Variants in PDAP1 observed in about 807,000 individuals in gnomAD.
PDAP1 encodes the protein PDGFA associated protein 1.
Under a neutral mutation model 28.0 loss-of-function variants are expected in PDAP1, and 13 were observed. The observed-to-expected ratio is 0.46, with a 90% CI of 0.30 to 0.74. PDAP1 has a LOEUF of 0.74. PDAP1 is among the 30% of genes least tolerant of loss of function. PDAP1 has a pLI of 0.07. For missense variants in PDAP1, 150 were observed against 230.0 expected, an observed-to-expected ratio of 0.65 and a Z score of 2.25; for synonymous variants, 77 against 85.1, an observed-to-expected ratio of 0.91 and a Z score of 0.52.
rs967151023 is a variant in PDAP1, at chr7:99,396,371, C to T, written c.*311G>A. ...ATCTACCAGACAAATGAAAGCTCTT[C>T]TTACCCCATCTCCCAGGCACCCCCC... is the stretch of plus-strand genomic sequence containing the variant. On this transcript the variant is annotated 3_prime_UTR_variant, in exon 6 of 6. Transcript: ENST00000350498. 1 of 444,192 alleles carries T rather than the reference C, an allele frequency of 2.3e-6. No homozygotes were observed. Among genetic ancestry groups the T allele is most frequent in the Non-Finnish European group, 4.2e-6 (1 of 238,956 alleles). 27.5% of individuals were successfully genotyped at this position (444,192 alleles called of 1,614,324 possible).
chr7:99,403,358 G>T, intron 3 of PDAP1, 40 bp downstream of exon 3: 1 of 1,211,098 alleles, frequency 8.3e-7, no homozygotes. Context: ...TTTGTTGAAT[G>T]AATGAGTCCA....
intron 1 of PDAP1, among the ~76,000 whole-genome samples, chr7:99,406,024 G>T (rs566154361): frequency 6.6e-6 from 1 of 152,204 alleles, no homozygotes; most frequent in Non-Finnish European, 1.5e-5. Context: ...GGCCAAGGCG[G>T]GCAGATCACT....
chr7:99,402,878 C>CAAAA (rs543294031), intron 3 of PDAP1, among the ~76,000 whole-genome samples: 1 of 72,072 alleles, frequency 1.4e-5, no homozygotes, highest in Admixed American at 1.6e-4. Flanking sequence ...CACTTCATCT[C>CAAAA]AAAAAAAAAA....
At position 99,400,427 on chromosome 7, in the gene PDAP1, AG is replaced by A; in HGVS notation, c.214-4del. 1 of 1,614,100 alleles carries A rather than the reference AG, an allele frequency of 6.2e-7. No individual in the cohort carries two copies. The highest frequency in any genetic ancestry group is 8.5e-7 in the Non-Finnish European group (1 of 1,179,960). On this transcript the variant is annotated splice_polypyrimidine_tract_variant and splice_region_variant and intron_variant, in intron 3 of 5. Coordinates refer to ENST00000350498, the MANE Select transcript of PDAP1 (RefSeq NM_014891.7). ...CCTTCAACGCCTTTGCGCTTTTGCT[AG>A]AACAGGGCAAGAAGCTGGTTGTTGG...
rs1554350911 is a variant in PDAP1, at chr7:99,394,779, T to TTA, written c.*1902_*1903insTA. On this transcript the variant is annotated 3_prime_UTR_variant, in exon 6 of 6. Coordinates refer to ENST00000350498, the MANE Select transcript of PDAP1 (RefSeq NM_014891.7). ...GTGGAGGTAATAAAATGCAACTGTG[T>TTA]AAAAAAAAAAAAAAAAAAAAAAGTA... The TTA allele has an allele frequency of 9.4e-6, 9 of 958,250 alleles. No individual in the cohort carries two copies. The South Asian group carries it at 2.1e-4, about 23-fold the overall frequency. 59.4% of individuals were successfully genotyped at this position (958,250 alleles called of 1,614,324 possible).
Position 99,396,650 on chromosome 7 carries a change from A to C in PDAP1, c.*32T>G. 1.3e-6 allele frequency: 2 copies of C among 1,591,022 alleles called. No individual in the cohort carries two copies. Among genetic ancestry groups the C allele is most frequent in the South Asian group, 2.2e-5 (2 of 90,572 alleles). ...AGCAGAGGTCCTGGCAGCGCGGCCCAGGTCCCCGGCATCTCCTCCCACGGG... is the reference window on the plus strand; with the variant it reads ...AGCAGAGGTCCTGGCAGCGCGGCCCCGGTCCCCGGCATCTCCTCCCACGGG... On this transcript the variant is annotated 3_prime_UTR_variant, in exon 6 of 6. Coordinates refer to ENST00000350498, the MANE Select transcript of PDAP1 (RefSeq NM_014891.7).
At position 99,396,505 on chromosome 7, in the gene PDAP1, C is replaced by T. The variant is rs931758848; in HGVS notation, c.*177G>A. ...GATAGCAGCTACCCCTCCCCCAGTC[C>T]CCCCCCCCATCCCCCAAACAATTTC... On this transcript the variant is annotated 3_prime_UTR_variant, in exon 6 of 6. Coordinates refer to ENST00000350498, the MANE Select transcript of PDAP1 (RefSeq NM_014891.7). 1.6e-5 allele frequency: 6 copies of T among 373,660 alleles called. No individual in the cohort carries two copies. Among genetic ancestry groups the T allele is most frequent in the Non-Finnish European group, 2.2e-5 (5 of 225,390 alleles). 23.1% of individuals were successfully genotyped at this position (373,660 alleles called of 1,614,324 possible).
chr7:99,408,577 G>GCGGCGC lies in PDAP1; in HGVS notation c.-35_-30dup, dbSNP rs1442912192. 7 of 1,269,928 alleles carry GCGGCGC rather than the reference G, an allele frequency of 5.5e-6. No individual in the cohort carries two copies. Among genetic ancestry groups the GCGGCGC allele is most frequent in the East Asian group, 3.1e-5 (1 of 31,864 alleles). 78.7% of individuals were successfully genotyped at this position (1,269,928 alleles called of 1,614,324 possible). A position where few individuals can be genotyped will look rare whatever the true frequency, so the allele number is the denominator to read the frequency against. On this transcript the variant is annotated 5_prime_UTR_variant, in exon 1 of 6. Coordinates refer to ENST00000350498, the MANE Select transcript of PDAP1 (RefSeq NM_014891.7). ...GGCTCCGGCGGCTGCGGCGGCGGCG[G>GCGGCGC]CGGCGCCTCGAACTGACACCGGAAC...
chr7:99,397,409 C>A (rs138051056), intron 5 of PDAP1, among the ~76,000 whole-genome samples: 43 of 152,302 alleles, frequency 2.8e-4, no homozygotes, highest in African/African-American at 1.0e-3. Context: ...AAAGGGATGC[C>A]TGGGCTGGAT....
intron 1 of PDAP1, among the ~76,000 whole-genome samples, chr7:99,407,727 C>T (rs1795007980): frequency 6.6e-6 from 1 of 152,140 alleles, no homozygotes; most frequent in African/African-American, 2.4e-5. Context: ...TTAGACGTGA[C>T]ATAGCTGGGA....
Position 99,396,836 on chromosome 7 carries a change from C to T in PDAP1, c.488-96G>A, listed in dbSNP as rs946661840. ...ACCCTAGAACTTTAGGTCTGAAAGGCTGCAGAAAACATTCTGTGCAACAGA... is the reference window on the plus strand; with the variant it reads ...ACCCTAGAACTTTAGGTCTGAAAGGTTGCAGAAAACATTCTGTGCAACAGA... On this transcript the variant is annotated intron_variant, in intron 5 of 5. Coordinates refer to ENST00000350498, the MANE Select transcript of PDAP1 (RefSeq NM_014891.7). 4.3e-6 allele frequency: 4 copies of T among 928,574 alleles called. No homozygotes were observed. The African/African-American group carries it at 6.6e-5, about 15-fold the overall frequency. 57.5% of individuals were successfully genotyped at this position (928,574 alleles called of 1,614,324 possible).
At position 99,396,349 on chromosome 7, in the gene PDAP1, T is replaced by TACCA; in HGVS notation, c.*329_*332dup. On this transcript the variant is annotated 3_prime_UTR_variant, in exon 6 of 6. Coordinates refer to ENST00000350498, the MANE Select transcript of PDAP1 (RefSeq NM_014891.7). ...ACCACCCCCTTACATGCTATCTATC[T>TACCA]ACCAGACAAATGAAAGCTCTTCTTA... 2.5e-6 allele frequency: 1 copy of TACCA among 393,616 alleles called. No individual in the cohort carries two copies. Among genetic ancestry groups the TACCA allele is most frequent in the Non-Finnish European group, 4.8e-6 (1 of 208,562 alleles). 24.4% of individuals were successfully genotyped at this position (393,616 alleles called of 1,614,324 possible).
At chr7:99,405,253 A>G (rs1794951977) in intron 1 of PDAP1, among the ~76,000 whole-genome samples, 1 of 152,130 alleles carries the variant, frequency 6.6e-6, no homozygotes, top group Non-Finnish European at 1.5e-5. Flanking sequence ...GTCCCTTACA[A>G]TCCAAGCATA....
chr7:99,402,121 C>G (rs920279642), intron 3 of PDAP1, among the ~76,000 whole-genome samples: 8 of 149,598 alleles, frequency 5.3e-5, no homozygotes, highest in African/African-American at 2.0e-4. Context: ...CCCAGCTATT[C>G]GGAAGGCTGA....
chr7:99,403,532 A>C, intron 2 of PDAP1, 27 bp from the exon 3 acceptor site: 2 of 1,433,642 alleles, frequency 1.4e-6, no homozygotes, highest in Non-Finnish European at 2.0e-6. Context: ...CAACCTGCAG[A>C]ATCAAAAATG....
chr7:99,408,265 G>A (rs1185547256), intron 1 of PDAP1, among the ~76,000 whole-genome samples: 1 of 152,004 alleles, frequency 6.6e-6, no homozygotes, highest in Non-Finnish European at 1.5e-5. Context: ...CCTAGACCCG[G>A]AGAAGCGCAT....
intron 2 of PDAP1, among the ~76,000 whole-genome samples, chr7:99,404,600 G>A (rs1288685893): frequency 6.6e-6 from 1 of 152,152 alleles, no homozygotes; most frequent in East Asian, 1.9e-4. Context: ...GAAAGTAGGT[G>A]CACAAGACCA....
intron 1 of PDAP1, among the ~76,000 whole-genome samples, chr7:99,406,287 A>C (rs1384278497): frequency 6.7e-6 from 1 of 150,214 alleles, no homozygotes; most frequent in Non-Finnish European, 1.5e-5. Context: ...TTTTCCCTCT[A>C]ATCTAGTATT....
At chr7:99,403,535 C>A (rs1384139254) in intron 2 of PDAP1, 30 bp from the exon 3 acceptor site, 4 of 1,365,454 alleles carry the variant, frequency 2.9e-6, no homozygotes, top group African/African-American at 2.9e-5. Context: ...CCTGCAGAAT[C>A]AAAAATGCAA....
Sources: allele counts gnomAD v4.1 joint callset (sites outside exome capture counted in the v4.1 genomes callset), GRCh38; gene constraint gnomAD v4.1.1; transcripts MANE v1.5; gene names NCBI Gene and HGNC (gene_info 2026-07-23, HGNC 2026-07-21).